The following ADGRL3 variants were observed in gnomAD, a reference collection of about 807,000 sequenced individuals.
ADGRL3 encodes adhesion G protein-coupled receptor L3.
A neutral mutation model predicts 153.5 loss-of-function variants in ADGRL3; 62 were observed. The ratio of observed to expected loss-of-function variants is 0.40; its 90% confidence interval spans 0.33 to 0.50. ADGRL3 has a LOEUF of 0.50. ADGRL3 is among the 20% of genes least tolerant of loss of function. The pLI, the probability that ADGRL3 is intolerant of heterozygous loss-of-function variation, is 0.47. For synonymous variants in ADGRL3, 710 were observed against 672.5 expected, an observed-to-expected ratio of 1.06 and a Z score of -0.86; for missense variants, 1,641 against 1,859.4, an observed-to-expected ratio of 0.88 and a Z score of 2.16.
At chr4:62,056,566 T>G (rs1008707113) in intron 25 of ADGRL3, among the ~76,000 whole-genome samples, 27 of 152,138 alleles carry the variant, frequency 1.8e-4, no homozygotes, top group Non-Finnish European at 2.9e-4. Context: ...TACACTGAAG[T>G]TGGTGTTCTA....
chr4:62,007,662 A>G (rs1305537149), intron 21 of ADGRL3, among the ~76,000 whole-genome samples: 2 of 151,040 alleles, frequency 1.3e-5, no homozygotes, highest in African/African-American at 4.9e-5. Flanking sequence ...ATACCACAAC[A>G]TGTGGGGCCT....
At chr4:61,612,990 T>A (rs1389444358) in intron 5 of ADGRL3, among the ~76,000 whole-genome samples, 1 of 152,174 alleles carries the variant, frequency 6.6e-6, no homozygotes, top group Non-Finnish European at 1.5e-5. Flanking sequence ...TGCTTCTTTT[T>A]TTTTAATCAT....
intron 1 of ADGRL3, among the ~76,000 whole-genome samples, chr4:61,229,682 C>T (rs1749706001): frequency 6.6e-6 from 1 of 152,004 alleles, no homozygotes; most frequent in Non-Finnish European, 1.5e-5. Flanking sequence ...ATTTGGGAAG[C>T]CACCAAAGCC....
chr4:61,545,680 A>C, intron 4 of ADGRL3, among the ~76,000 whole-genome samples: 1 of 151,726 alleles, frequency 6.6e-6, no homozygotes, highest in East Asian at 1.9e-4. Context: ...CACCCACCTA[A>C]TTTTTGTACT....
At chr4:61,339,059 C>A (rs2095748448) in intron 1 of ADGRL3, among the ~76,000 whole-genome samples, 1 of 152,056 alleles carries the variant, frequency 6.6e-6, no homozygotes, top group South Asian at 2.1e-4. Flanking sequence ...CCCTCATAGA[C>A]CACTAATAGA....
intron 1 of ADGRL3, among the ~76,000 whole-genome samples, chr4:61,274,495 C>T (rs2093365599): frequency 1.3e-5 from 2 of 152,114 alleles, no homozygotes; most frequent in African/African-American, 4.8e-5. Flanking sequence ...GCAATTTATA[C>T]TCTCAGTATC....
At chr4:61,325,204 C>G (rs7698359) in intron 1 of ADGRL3, among the ~76,000 whole-genome samples, 4,372 of 152,078 alleles carry the variant, frequency 0.029, 189 homozygotes, top group African/African-American at 0.098. Flanking sequence ...CCCAGCTACT[C>G]AGGAGGCTGA....
At chr4:61,912,578 A>G in intron 12 of ADGRL3, 141 bp from the exon 13 acceptor site, 2 of 683,208 alleles carry the variant, frequency 2.9e-6, no homozygotes, top group Non-Finnish European at 4.9e-6. Context: ...GCTGCTGCTT[A>G]GCTTTCATTT....
At chr4:61,821,451 C>T (rs1168656086) in intron 9 of ADGRL3, among the ~76,000 whole-genome samples, 1 of 151,962 alleles carries the variant, frequency 6.6e-6, no homozygotes, top group East Asian at 1.9e-4. Flanking sequence ...CAACCTCCGC[C>T]TCCCGGGTTC....
chr4:61,582,744 C>T (rs944965818), intron 4 of ADGRL3, among the ~76,000 whole-genome samples: 1 of 151,934 alleles, frequency 6.6e-6, no homozygotes, highest in Non-Finnish European at 1.5e-5. Flanking sequence ...GTTCCCTTCC[C>T]CTAGTGCAAT....
At chr4:61,337,160 C>G (rs548701472) in intron 1 of ADGRL3, among the ~76,000 whole-genome samples, 1 of 152,204 alleles carries the variant, frequency 6.6e-6, no homozygotes, top group Admixed American at 6.5e-5. Context: ...CTGCTTTGTC[C>G]ACAGCAGTCC....
At chr4:61,613,670 G>A (rs1339619825) in intron 5 of ADGRL3, among the ~76,000 whole-genome samples, 1 of 152,172 alleles carries the variant, frequency 6.6e-6, no homozygotes, top group Non-Finnish European at 1.5e-5. Flanking sequence ...CTTGAACCTG[G>A]GAGGCAGAGG....
chr4:61,325,690 T>C (rs1312427545), intron 1 of ADGRL3, among the ~76,000 whole-genome samples: 1 of 152,198 alleles, frequency 6.6e-6, no homozygotes, highest in African/African-American at 2.4e-5. Context: ...TAAGTCTTTG[T>C]TATCTTTCCT....
chr4:61,904,941 A>G (rs1440818564), intron 11 of ADGRL3, among the ~76,000 whole-genome samples: 2 of 152,204 alleles, frequency 1.3e-5, no homozygotes, highest in Non-Finnish European at 2.9e-5. Context: ...TTTTTCTTAT[A>G]GAAACAATAT....
intron 9 of ADGRL3, among the ~76,000 whole-genome samples, chr4:61,886,626 T>TTGTC (rs2098540769): frequency 2.1e-5 from 1 of 47,354 alleles, no homozygotes; most frequent in South Asian, 7.0e-4. Flanking sequence ...TAGACTACAT[T>TTGTC]TGTTTGTTTG....
At chr4:61,369,342 T>C (rs1203720562) in intron 1 of ADGRL3, among the ~76,000 whole-genome samples, 1 of 152,226 alleles carries the variant, frequency 6.6e-6, no homozygotes, top group Non-Finnish European at 1.5e-5. Flanking sequence ...TTTTTGCCCA[T>C]TGAGTATGAG....
chr4:61,826,203 C>T lies in ADGRL3; in HGVS notation c.1480+12314C>T, dbSNP rs34238150. On this transcript the variant is annotated intron_variant, in intron 9 of 26. Coordinates refer to ENST00000683033, the MANE Select transcript of ADGRL3 (RefSeq NM_001387552.1). ...ATAAAAGACATATAAGATGGTTAGT[C>T]AAAGGAAGCCACTCTAGGGAGGTGA... is the stretch of plus-strand genomic sequence containing the variant. 9.9e-3 allele frequency among the ~76,000 whole-genome samples: 1,506 copies of T among 152,060 alleles called. 12 individuals carry two copies. The highest frequency in any genetic ancestry group is 0.024 in the Middle Eastern group (7 of 294).
At chr4:61,597,755 A>T (rs1044957103) in intron 5 of ADGRL3, among the ~76,000 whole-genome samples, 5 of 151,412 alleles carry the variant, frequency 3.3e-5, no homozygotes, top group African/African-American at 4.9e-5. Context: ...GGTGATATAT[A>T]TTTCATATGT....
intron 2 of ADGRL3, among the ~76,000 whole-genome samples, chr4:61,441,026 C>A (rs2097523338): frequency 6.6e-6 from 1 of 152,146 alleles, no homozygotes; most frequent in South Asian, 2.1e-4. Context: ...CTCCAAAATT[C>A]CTTTTTTCCT....
Sources: gnomAD v4.1 joint callset for allele counts (sites outside exome capture counted in the v4.1 genomes callset) on GRCh38, gnomAD v4.1.1 for gene constraint, MANE v1.5 for transcripts, NCBI Gene and HGNC (gene_info 2026-07-23, HGNC 2026-07-21) for gene names.